The following CCDC60 variants were observed in gnomAD, a reference collection of about 807,000 sequenced individuals.
CCDC60 encodes coiled-coil domain containing 60, also known as coiled-coil domain-containing protein 60.
Under a neutral mutation model 63.5 loss-of-function variants are expected in CCDC60, and 54 were observed. The ratio of observed to expected loss-of-function variants is 0.85; its 90% CI spans 0.68 to 1.07. The LOEUF is 1.07. Among genes scored for constraint, CCDC60 ranks in the 50% least tolerant of loss-of-function variants. The pLI, the probability that CCDC60 is intolerant of heterozygous loss-of-function variation, is 0.00. For synonymous variants in CCDC60, 206 were observed against 238.8 expected, an observed-to-expected ratio of 0.86 and a Z score of 1.27; for missense variants, 651 against 684.3, an observed-to-expected ratio of 0.95 and a Z score of 0.54.
intron 4 of CCDC60, 125 bp from the exon 5 acceptor site, chr12:119,488,634 C>A: frequency 1.4e-6 from 1 of 738,820 alleles, no homozygotes; most frequent in South Asian, 1.7e-5. Context: ...AATACTTGCG[C>A]ATGCCTGGAG....
At chr12:119,372,726 C>T (rs1466461819) in intron 1 of CCDC60, among the ~76,000 whole-genome samples, 1 of 152,094 alleles carries the variant, frequency 6.6e-6, no homozygotes, top group Non-Finnish European at 1.5e-5. Context: ...ACACCTGGGC[C>T]CTAGAGATGG....
chr12:119,337,350 A>G (rs1451407751), intron 1 of CCDC60, among the ~76,000 whole-genome samples: 4 of 152,154 alleles, frequency 2.6e-5, no homozygotes, highest in Admixed American at 2.6e-4. Context: ...TCAGAGCGGG[A>G]GCAGCAGACA....
intron 1 of CCDC60, among the ~76,000 whole-genome samples, chr12:119,422,516 G>A (rs7312027): frequency 0.41 from 62,746 of 152,016 alleles, 13,104 homozygotes; most frequent in South Asian, 0.65. Flanking sequence ...GTGAGCAGGC[G>A]TCTTACATGG....
At chr12:119,524,333 A>G (rs1952620023) in intron 11 of CCDC60, 1 of 387,156 alleles carries the variant, frequency 2.6e-6, no homozygotes, top group East Asian at 1.6e-4. Flanking sequence ...AGAGCACCAG[A>G]AAGCCACTGA....
At chr12:119,534,612 G>C (rs1370910980) in intron 13 of CCDC60, among the ~76,000 whole-genome samples, 6 of 152,190 alleles carry the variant, frequency 3.9e-5, no homozygotes, top group African/African-American at 1.4e-4. Flanking sequence ...TTTATTGAGA[G>C]TTTTTAGCAT....
intron 4 of CCDC60, among the ~76,000 whole-genome samples, chr12:119,488,290 C>T (rs1236476547): frequency 6.6e-6 from 1 of 152,130 alleles, no homozygotes; most frequent in Non-Finnish European, 1.5e-5. Context: ...CCCTGAGTTT[C>T]CAGACTTTTT....
At chr12:119,395,959 A>G (rs913004699) in intron 1 of CCDC60, among the ~76,000 whole-genome samples, 9 of 150,216 alleles carry the variant, frequency 6.0e-5, no homozygotes, top group African/African-American at 2.2e-4. Context: ...TTTTTTTTAG[A>G]TGGAGTCTCG....
chr12:119,344,267 T>A (rs1479759181), intron 1 of CCDC60, among the ~76,000 whole-genome samples: 1 of 152,082 alleles, frequency 6.6e-6, no homozygotes, highest in Non-Finnish European at 1.5e-5. Flanking sequence ...GGCAAGACCA[T>A]CCACAGTTGA....
chr12:119,408,957 G>A (rs570839585), intron 1 of CCDC60, among the ~76,000 whole-genome samples: 2 of 152,322 alleles, frequency 1.3e-5, no homozygotes, highest in South Asian at 2.1e-4. Flanking sequence ...TCAAGAGCAG[G>A]TGCCCAAGAC....
intron 3 of CCDC60, among the ~76,000 whole-genome samples, chr12:119,476,917 G>A (rs1223601316): frequency 6.6e-6 from 1 of 152,150 alleles, no homozygotes; most frequent in African/African-American, 2.4e-5. Context: ...TCAGATTTCA[G>A]CTCAATATTT....
rs1171127097 is a variant in CCDC60 at position 119,456,036 on chromosome 12, A to G, written c.171-15958A>G. 6.9e-6 allele frequency among the ~76,000 whole-genome samples: 1 copy of G among 144,772 alleles called. No individual in the cohort carries two copies. Among genetic ancestry groups the G allele is most frequent in the African/African-American group, 2.6e-5 (1 of 38,600 alleles). The allele number at this position is 144,772 out of a possible 152,430, so 95.0% of individuals were successfully genotyped here. ...GAAAGAAAGAAAGAAAGAAAGAAAG[A>G]AAGAAAGAAAGAAAGAAAGAAAGAA... is the stretch of plus-strand genomic sequence containing the variant. On this transcript the variant is annotated intron_variant, in intron 2 of 13. Transcript: ENST00000327554. This position sits in a 1 kb window ranked among gnomAD's most constrained non-coding sequence, Gnocchi z 4.6.
chr12:119,526,440 G>A (rs940229850), intron 11 of CCDC60, among the ~76,000 whole-genome samples: 19 of 152,300 alleles, frequency 1.2e-4, no homozygotes, highest in Middle Eastern at 3.4e-3. Context: ...AAGAGCTTCC[G>A]CCCAGCAAAA....
chr12:119,404,500 A>G (rs1274465781), intron 1 of CCDC60, among the ~76,000 whole-genome samples: 1 of 152,036 alleles, frequency 6.6e-6, no homozygotes, highest in Non-Finnish European at 1.5e-5. Context: ...TGTGTTTCCT[A>G]GCTCTGAGCT....
chr12:119,428,626 C>T, intron 1 of CCDC60, 57 bp from the exon 2 acceptor site: 1 of 1,209,644 alleles, frequency 8.3e-7, no homozygotes, highest in Middle Eastern at 1.9e-4. Flanking sequence ...TGCCTATCTC[C>T]ATTTGGAAGC....
chr12:119,388,052 AG>A (rs1352305073), intron 1 of CCDC60: 28 of 152,304 alleles, frequency 1.8e-4, no homozygotes, highest in African/African-American at 6.0e-4. Context: ...AGCAGCACAA[AG>A]GTGGTTAATT....
chr12:119,485,514 C>T lies in CCDC60; in HGVS notation c.450-3245C>T, dbSNP rs187981020. On this transcript the variant is annotated intron_variant, in intron 4 of 13. Coordinates refer to ENST00000327554, the MANE Select transcript of CCDC60 (RefSeq NM_178499.5). ...AAGCCCAAGATCAAGGTGCTGTCAG[C>T]GTTGGTTTCTCCCAACCCTCTCGAG... 2.4e-3 allele frequency among the ~76,000 whole-genome samples: 364 copies of T among 152,272 alleles called. 2 individuals carry two copies. Among genetic ancestry groups the T allele is most frequent in the Non-Finnish European group, 4.2e-3 (284 of 68,036 alleles).
chr12:119,500,372 T>G (rs570601119), intron 6 of CCDC60, among the ~76,000 whole-genome samples: 1 of 152,154 alleles, frequency 6.6e-6, no homozygotes, highest in Admixed American at 6.5e-5. Flanking sequence ...AGAAATGACA[T>G]TTGGCTGGAC....
At chr12:119,433,129 A>T (rs73406254) in intron 2 of CCDC60, among the ~76,000 whole-genome samples, 229 of 146,968 alleles carry the variant, frequency 1.6e-3, no homozygotes, top group African/African-American at 5.3e-3. Context: ...ATCAGCAAAC[A>T]CTACAAATCA....
intron 2 of CCDC60, among the ~76,000 whole-genome samples, chr12:119,434,677 C>T (rs899146885): frequency 1.2e-4 from 19 of 152,070 alleles, no homozygotes; most frequent in African/African-American, 4.4e-4. Flanking sequence ...AAAGACATAG[C>T]AGGGTGAAAG....
Sources: allele counts gnomAD v4.1 joint callset (sites outside exome capture counted in the v4.1 genomes callset), GRCh38; gene constraint gnomAD v4.1.1; non-coding constraint Gnocchi (gnomAD v3.1); transcripts MANE v1.5; gene names NCBI Gene and HGNC (gene_info 2026-07-23, HGNC 2026-07-21).